The following KANSL1 variants were observed in gnomAD, a reference collection of about 807,000 sequenced individuals.
KANSL1 encodes the protein MLL1/MLL complex subunit KANSL1.
A neutral mutation model predicts 103.6 loss-of-function variants in KANSL1; 22 were observed. The ratio of observed to expected loss-of-function variants is 0.21; its 90% CI spans 0.15 to 0.30. The LOEUF is 0.30. KANSL1 is among the 10% of genes least tolerant of loss of function. KANSL1 has a pLI of 1.00. For missense variants in KANSL1, 1,337 were observed against 1,399.8 expected, an observed-to-expected ratio of 0.96 and a Z score of 0.72; for synonymous variants, 600 against 527.6, an observed-to-expected ratio of 1.14 and a Z score of -1.88.
upstream of KANSL1, chr17:46,196,250 TAAA>T (rs1010852546): frequency 4.5e-6 from 2 of 444,652 alleles, no homozygotes; most frequent in Non-Finnish European, 9.0e-6. Context: ...TGAAAAGTGA[TAAA>T]AAAATAAAAA....
intron 2 of KANSL1, among the ~76,000 whole-genome samples, chr17:46,127,449 C>T (rs905388126): frequency 3.3e-5 from 5 of 152,182 alleles, no homozygotes; most frequent in South Asian, 2.1e-4. Flanking sequence ...TACCAGATCC[C>T]GCTCCGGCAA....
chr17:46,185,584 G>A (rs2732588), intron 1 of KANSL1, among the ~76,000 whole-genome samples: 81,149 of 150,778 alleles, frequency 0.54, 21,995 homozygotes, highest in East Asian at 0.89. Context: ...TGCTTTCACT[G>A]AAGAACTGGA....
chr17:46,136,266 G>A (rs2044137089), intron 2 of KANSL1, among the ~76,000 whole-genome samples: 1 of 152,208 alleles, frequency 6.6e-6, no homozygotes, highest in East Asian at 1.9e-4. Context: ...AAAAATCTAG[G>A]GTATATAGGT....
intron 1 of KANSL1, among the ~76,000 whole-genome samples, chr17:46,204,224 A>C (rs1292455214): frequency 1.3e-5 from 2 of 152,220 alleles, no homozygotes; most frequent in Non-Finnish European, 2.9e-5. Context: ...GAGGAGGCTG[A>C]GTTGGGAGGA....
At chr17:46,043,054 T>C in intron 7 of KANSL1, 1 of 152,176 alleles carries the variant, frequency 6.6e-6, no homozygotes. Flanking sequence ...TAAAGCATTG[T>C]CTAGAAGCAT....
At chr17:46,082,631 T>G in intron 3 of KANSL1, 89 bp from the exon 4 acceptor site, 1 of 661,562 alleles carries the variant, frequency 1.5e-6, no homozygotes, top group Admixed American at 2.8e-5. Flanking sequence ...GGACTGTTGG[T>G]GTACTAGAGG....
chr17:46,196,534 C>T, upstream of KANSL1: 3 of 428,762 alleles, frequency 7.0e-6, no homozygotes, highest in Admixed American at 8.1e-5. Flanking sequence ...CTGAAGATGC[C>T]ACCAACATCA....
At chr17:46,092,170 C>T (rs574536214) in intron 3 of KANSL1, among the ~76,000 whole-genome samples, 59 of 152,288 alleles carry the variant, frequency 3.9e-4, no homozygotes, top group African/African-American at 1.2e-3. Context: ...ATGATGTTCA[C>T]GCACCAATGA....
At chr17:46,153,119 G>C (rs1196427840) in intron 2 of KANSL1, among the ~76,000 whole-genome samples, 1 of 152,172 alleles carries the variant, frequency 6.6e-6, no homozygotes, top group Non-Finnish European at 1.5e-5. Context: ...CATATCACAA[G>C]GATTTTTTTT....
chr17:46,157,572 A>T (rs1324266887), intron 2 of KANSL1, among the ~76,000 whole-genome samples: 1 of 152,258 alleles, frequency 6.6e-6, no homozygotes, highest in African/African-American at 2.4e-5. Context: ...CAACTCTTGG[A>T]CCTGAGACCT....
chr17:46,133,081 G>C (rs536236980), intron 2 of KANSL1, among the ~76,000 whole-genome samples: 1 of 152,304 alleles, frequency 6.6e-6, no homozygotes, highest in Admixed American at 6.5e-5. Context: ...TTTAACATCA[G>C]GTCCTCACAA....
At chr17:46,196,984 A>G (rs12451263), upstream of KANSL1, among the ~76,000 whole-genome samples, 6 of 152,102 alleles carry the variant, frequency 3.9e-5, no homozygotes, top group Admixed American at 3.3e-4. Flanking sequence ...GGGTGGTGGC[A>G]TACACCTGTA....
intron 6 of KANSL1, among the ~76,000 whole-genome samples, chr17:46,063,190 A>G (rs949178928): frequency 6.6e-6 from 1 of 152,248 alleles, no homozygotes; most frequent in Non-Finnish European, 1.5e-5. Flanking sequence ...TGTACTCTGT[A>G]CTCACAATAA....
chr17:46,142,240 A>G (rs946101385), intron 2 of KANSL1, among the ~76,000 whole-genome samples: 1 of 152,272 alleles, frequency 6.6e-6, no homozygotes, highest in African/African-American at 2.4e-5. Context: ...AAATTTAAAC[A>G]ATTTATAATT....
chr17:46,042,965 A>G (rs575950365), intron 7 of KANSL1: 43 of 152,330 alleles, frequency 2.8e-4, no homozygotes, highest in African/African-American at 8.2e-4. Flanking sequence ...GTCTCTGAGG[A>G]CAGTGCTGTC....
At position 46,177,117 on chromosome 17, in the gene KANSL1, CT is replaced by C. The variant is rs1218463033; in HGVS notation, c.-89-4886del. Among the ~76,000 whole-genome samples, 3 of 152,234 alleles carry C rather than the reference CT, an allele frequency of 2.0e-5. 1 individual carries two copies. The highest frequency in any genetic ancestry group is 7.2e-5 in the African/African-American group (3 of 41,446). On this transcript the variant is annotated intron_variant, in intron 1 of 14. Transcript: ENST00000432791. ...TCAGTTCCCATCCTGGCTCCACCTC[CT>C]GTAGGTTACTTAACTATTCTGTTCT...
chr17:46,050,371 G>T (rs532546483), intron 7 of KANSL1, 162 bp downstream of exon 7: 35 of 635,190 alleles, frequency 5.5e-5, no homozygotes, highest in Non-Finnish European at 8.6e-5. Flanking sequence ...TGGTTTGGTG[G>T]ATCTGTTACA....
At chr17:46,205,609 A>G (rs1217996214) in intron 1 of KANSL1, among the ~76,000 whole-genome samples, 1 of 139,828 alleles carries the variant, frequency 7.2e-6, no homozygotes, top group African/African-American at 2.7e-5. Flanking sequence ...TGAACCCAGG[A>G]GGCGGAGGTT....
intron 1 of KANSL1, among the ~76,000 whole-genome samples, chr17:46,199,961 T>G (rs1489660115): frequency 3.3e-5 from 5 of 152,150 alleles, no homozygotes. Context: ...TAATAGCAGC[T>G]ACCAGCACTC....
Sources: allele counts gnomAD v4.1 joint callset (sites outside exome capture counted in the v4.1 genomes callset), GRCh38; gene constraint gnomAD v4.1.1; transcripts MANE v1.5; gene names NCBI Gene and HGNC (gene_info 2026-07-23, HGNC 2026-07-21).